MED15: variants seen among roughly 807,000 people sequenced by gnomAD.
MED15 encodes the protein mediator of RNA polymerase II transcription subunit 15.
MED15 carries 41 observed loss-of-function variants against 118.7 expected under a neutral mutation model. The ratio of observed to expected loss-of-function variants is 0.35; its 90% CI spans 0.27 to 0.45. The LOEUF (loss-of-function observed/expected upper bound fraction) is 0.45. MED15 is among the 20% of genes least tolerant of loss of function. MED15 has a pLI of 1.00. For synonymous variants in MED15, 436 were observed against 413.9 expected (o/e 1.05, Z -0.65); for missense variants, 740 against 1,025.5 (o/e 0.72, Z 3.80).
In MED15 at chr22:20,583,119, C is replaced by A; in HGVS notation, c.1544C>A (p.Pro515His). 6.3e-7 allele frequency: 1 copy of A among 1,594,406 alleles called. No individual in the cohort carries two copies. The highest frequency in any genetic ancestry group is 1.1e-5 in the South Asian group (1 of 89,790). The change falls in exon 12 of 18, where the codon CCC (proline) becomes CAC (histidine). Residue 515 changes from proline (P) to histidine (H), a missense_variant. This residue lies in a region of MED15 where 384 missense variants were observed against 506.3 expected (regional missense o/e 0.76). Coordinates refer to ENST00000263205, the MANE Select transcript of MED15 (RefSeq NM_001003891.3). ...ACCCGCCTGTGTCCTGCAGTGAACCCCAGCTCTGTCATGAGCCCAGCTGGC... is the reference window on the plus strand; with the variant it reads ...ACCCGCCTGTGTCCTGCAGTGAACCACAGCTCTGTCATGAGCCCAGCTGGC... ...SPGPLNTPVN[P>H]SSVMSPAGSS... is the part of the protein sequence containing the mutation.
At chr22:20,519,664 A>C (rs2054379994) in intron 1 of MED15, among the ~76,000 whole-genome samples, 1 of 152,076 alleles carries the variant, frequency 6.6e-6, no homozygotes, top group Non-Finnish European at 1.5e-5. Context: ...CATATTGGCC[A>C]AGCTGGTCTC....
chr22:20,518,332 G>A (rs1236138062), intron 1 of MED15, among the ~76,000 whole-genome samples: 1 of 152,194 alleles, frequency 6.6e-6, no homozygotes, highest in Admixed American at 6.5e-5. Context: ...GGGAGCTTGA[G>A]GCCCTTTCCC....
rs775679524 is a variant in MED15, at chr22:20,551,388, C to T, written c.157-48C>T. On this transcript the variant is annotated intron_variant, in intron 2 of 17. Transcript: ENST00000263205. ...GGGGCGGGAAGGGGGAGTCCGATGA[C>T]TGCGCTTCTTCATCTGGTATTAAAC... 6.4e-6 allele frequency: 10 copies of T among 1,562,750 alleles called. 1 individual carries two copies. The South Asian group carries it at 1.1e-4, about 17-fold the overall frequency.
At chr22:20,509,146 G>A (rs1266520533) in intron 1 of MED15, among the ~76,000 whole-genome samples, 1 of 152,034 alleles carries the variant, frequency 6.6e-6, no homozygotes. Context: ...AGAGTTCTGG[G>A]GCTCGAGGAG....
chr22:20,508,306 G>A (rs1051721685), intron 1 of MED15: 1 of 1,303,070 alleles, frequency 7.7e-7, no homozygotes, highest in Admixed American at 2.3e-5. Flanking sequence ...AGCGATCGTC[G>A]TTTCTGGAGG....
At chr22:20,535,872 C>CTTTTTTTTT (rs536712415) in intron 1 of MED15, among the ~76,000 whole-genome samples, 1 of 98,686 alleles carries the variant, frequency 1.0e-5, no homozygotes, top group Non-Finnish European at 2.0e-5. Flanking sequence ...TTCTTTCTTT[C>CTTTTTTTTT]TTTTTTTTTT....
At chr22:20,567,008 T>C (rs1409894657) in intron 7 of MED15, among the ~76,000 whole-genome samples, 191 bp downstream of exon 7, 1 of 152,204 alleles carries the variant, frequency 6.6e-6, no homozygotes, top group Non-Finnish European at 1.5e-5. Flanking sequence ...CATTTTGTGT[T>C]CTGAGAGCTG....
chr22:20,581,744 C>T lies in MED15; in HGVS notation c.1273-867C>T, dbSNP rs547010383. Among the ~76,000 whole-genome samples the T allele has an allele frequency of 3.9e-5, 6 of 152,320 alleles. No individual in the cohort carries two copies. In the South Asian group the frequency reaches 1.0e-3, roughly 26 times the overall value. ...GTGGGTGTTTTACATATGCTTATCC[C>T]TGATGCCTGGGTGGTGTGGTTTCAT... On this transcript the variant is annotated intron_variant, in intron 9 of 17. Coordinates refer to ENST00000263205, the MANE Select transcript of MED15 (RefSeq NM_001003891.3).
At chr22:20,584,709 AGCCAACATTGTCTGCACAAGGGT>A in intron 14 of MED15, 123 bp from the exon 15 acceptor site, 1 of 1,069,938 alleles carries the variant, frequency 9.3e-7, no homozygotes, top group Non-Finnish European at 1.3e-6. Context: ...TCCCAGGATC[AGCCAACATTGTCTGCACAAGGGT>A]GGAGGCTGTG....
intron 9 of MED15, among the ~76,000 whole-genome samples, chr22:20,577,817 C>T (rs1346639967): frequency 1.3e-5 from 2 of 152,030 alleles, no homozygotes; most frequent in Middle Eastern, 3.2e-3. Context: ...AAGTATTCCT[C>T]GTCCCGGCAG....
chr22:20,564,337 G>C (rs2056353356), intron 5 of MED15, 113 bp from the exon 6 acceptor site: 4 of 1,524,316 alleles, frequency 2.6e-6, no homozygotes, highest in Admixed American at 2.0e-5. Context: ...AGATTCCAGC[G>C]GCAGCCGTGG....
At chr22:20,536,100 T>G (rs1181089960) in intron 1 of MED15, among the ~76,000 whole-genome samples, 2 of 151,930 alleles carry the variant, frequency 1.3e-5, no homozygotes, top group East Asian at 3.9e-4. Flanking sequence ...GGTCTTGAAC[T>G]CCTGACCTCA....
chr22:20,526,751 C>T (rs376068343), intron 1 of MED15, among the ~76,000 whole-genome samples: 4 of 152,264 alleles, frequency 2.6e-5, no homozygotes, highest in East Asian at 1.9e-4. Context: ...AGGAGGTGGG[C>T]GGTGACCCTC....
At chr22:20,581,618 C>T (rs937337937) in intron 9 of MED15, among the ~76,000 whole-genome samples, 1 of 152,124 alleles carries the variant, frequency 6.6e-6, no homozygotes, top group Non-Finnish European at 1.5e-5. Context: ...CAAGGCATCC[C>T]TCTTTGCTGA....
At chr22:20,554,901 C>T (rs1475278493) in intron 4 of MED15, 35 bp from the exon 5 acceptor site, 18 of 1,564,468 alleles carry the variant, frequency 1.2e-5, no homozygotes, top group Non-Finnish European at 1.6e-5. Context: ...CTGGTAGGCC[C>T]TTTCCTGAGA....
intron 9 of MED15, among the ~76,000 whole-genome samples, chr22:20,579,302 A>G (rs2056909783): frequency 6.6e-6 from 1 of 152,170 alleles, no homozygotes; most frequent in Non-Finnish European, 1.5e-5. Flanking sequence ...ACTGCCCACC[A>G]CTGACACCTG....
chr22:20,552,906 G>A (rs557019124), intron 3 of MED15, among the ~76,000 whole-genome samples: 1 of 152,254 alleles, frequency 6.6e-6, no homozygotes, highest in East Asian at 1.9e-4. Context: ...TTCAGCCTTG[G>A]GGGCAGCTCC....
At chr22:20,585,307 G>A (rs753978812) in intron 16 of MED15, 40 bp downstream of exon 16, 38 of 1,600,848 alleles carry the variant, frequency 2.4e-5, no homozygotes, top group Non-Finnish European at 3.0e-5. Context: ...GGGAAAGCAG[G>A]CCCTGACCGC....
In MED15 at chr22:20,585,766, A is replaced by T; in HGVS notation, c.2170A>T (p.Ser724Cys). 6.2e-7 allele frequency: 1 copy of T among 1,613,470 alleles called. No individual in the cohort carries two copies. Among genetic ancestry groups the T allele is most frequent in the Non-Finnish European group, 8.5e-7 (1 of 1,180,006 alleles). Residue 724 changes from serine to cysteine, a missense_variant, in exon 17 of 18, where the codon AGT becomes TGT. By Grantham distance (112) the Ser-to-Cys change is moderately radical. Coordinates refer to ENST00000263205, the MANE Select transcript of MED15 (RefSeq NM_001003891.3). ...DLPSVPPLEL[S>C]VPADYPAQSP... ...CCCAAGTGTGCCACCACTGGAGCTC[A>T]GTGTGCCCGCTGACTATCCTGCCCA...
Sources: gnomAD v4.1 joint callset for allele counts (sites outside exome capture counted in the v4.1 genomes callset) on GRCh38, gnomAD v4.1.1 for gene constraint, gnomAD v4.1.1 regional missense constraint, MANE v1.5 for transcripts, NCBI Gene and HGNC (gene_info 2026-07-23, HGNC 2026-07-21) for gene names.